Variants in KTN1 observed in about 807,000 individuals in gnomAD.
The protein encoded by KTN1 is kinectin 1, also known as kinectin.
Under a neutral mutation model 222.5 loss-of-function variants are expected in KTN1, and 130 were observed. The ratio of observed to expected loss-of-function variants is 0.58; its 90% CI spans 0.51 to 0.68. KTN1 has a LOEUF of 0.68. Ranked by LOEUF, KTN1 falls within the 30% of genes least tolerant of loss-of-function variation. KTN1 has a pLI of 0.00. For synonymous variants in KTN1, 512 were observed against 496.3 expected, an observed-to-expected ratio of 1.03 and a Z score of -0.42; for missense variants, 1,508 against 1,500.4, an observed-to-expected ratio of 1.01 and a Z score of -0.08.
At position 55,639,317 on chromosome 14, in the gene KTN1, G is replaced by A. The variant is rs200324270; in HGVS notation, c.1823+95G>A. On this transcript the variant is annotated intron_variant, in intron 13 of 43. Transcript: ENST00000395314. ...TTATGATTAACTTTATACCTCTGAC[G>A]ACCTGTTCAGAAAATACTCTGAACT... 7.8e-5 allele frequency: 52 copies of A among 668,086 alleles called. No individual in the cohort carries two copies. In the East Asian group the frequency reaches 1.4e-3, roughly 18 times the overall value. 41.4% of individuals were successfully genotyped at this position (668,086 alleles called of 1,614,324 possible).
At position 55,663,606 on chromosome 14, in the gene KTN1, T is replaced by G. The variant is rs539208540; in HGVS notation, c.3091-349T>G. The G allele has an allele frequency of 2.7e-5, 5 of 188,258 alleles. No homozygotes were observed. The East Asian group carries it at 7.4e-4, about 28-fold the overall frequency. The allele number at this position is 188,258 out of a possible 1,614,324, so 11.7% of individuals were successfully genotyped here. A position where few individuals can be genotyped will look rare whatever the true frequency, so the allele number is the denominator to read the frequency against. ...AAAGCTTTTTATAATACTTCTATAT[T>G]TGCTCTGTCTTTAATCTTCTAATGT... On this transcript the variant is annotated intron_variant, in intron 32 of 43. Transcript: ENST00000395314.
intron 2 of KTN1, among the ~76,000 whole-genome samples, chr14:55,613,744 C>T (rs957544789): frequency 4.6e-5 from 7 of 152,114 alleles, no homozygotes; most frequent in African/African-American, 1.7e-4. Flanking sequence ...GCTGAAATTA[C>T]AGGCGTGAGC....
chr14:55,641,206 A>G lies in KTN1; in HGVS notation c.2101A>G (p.Lys701Glu). Residue 701 changes from lysine (K) to glutamate (E), a missense_variant and splice_region_variant, in exon 17 of 44, where the codon AAG (lysine) becomes GAG (glutamate). By Grantham distance (56) the Lys-to-Glu change is moderately conservative. Coordinates refer to ENST00000395314, the MANE Select transcript of KTN1 (RefSeq NM_001079521.2). ...AATTTCAAACAAAATGGAAGAATTT[A>G]AGGTGTGTGATTAAGCTTGTACACT... ...HEISNKMEEF[K>E]ILNDQNKALK... 1 of 1,572,824 alleles carries G rather than the reference A, an allele frequency of 6.4e-7. No individual in the cohort carries two copies. The highest frequency in any genetic ancestry group is 8.7e-7 in the Non-Finnish European group (1 of 1,155,112).
At chr14:55,641,877 G>A (rs1416453261) in intron 18 of KTN1, 117 bp downstream of exon 18, 10 of 689,214 alleles carry the variant, frequency 1.5e-5, no homozygotes, top group South Asian at 1.1e-4. Flanking sequence ...AGATATGGCT[G>A]TTATTGCCTT....
intron 2 of KTN1, among the ~76,000 whole-genome samples, chr14:55,613,550 G>A (rs931102970): frequency 2.7e-5 from 4 of 147,856 alleles, no homozygotes; most frequent in Non-Finnish European, 5.9e-5. Context: ...CTGGAGTGCA[G>A]TGGTGCGATC....
chr14:55,657,008 T>G (rs1018365323), intron 29 of KTN1, among the ~76,000 whole-genome samples: 1 of 152,240 alleles, frequency 6.6e-6, no homozygotes, highest in Non-Finnish European at 1.5e-5. Flanking sequence ...TCAACTTACT[T>G]ACAGAAGATT....
At chr14:55,599,065 A>G (rs2035537746) in intron 1 of KTN1, among the ~76,000 whole-genome samples, 1 of 152,040 alleles carries the variant, frequency 6.6e-6, no homozygotes, top group African/African-American at 2.4e-5. Flanking sequence ...TTGTTTGATA[A>G]TTCAACTTTA....
At chr14:55,655,982 G>T in intron 28 of KTN1, 60 bp from the exon 29 acceptor site, 2 of 916,844 alleles carry the variant, frequency 2.2e-6, no homozygotes, top group Non-Finnish European at 3.4e-6. Context: ...GGTGATATTG[G>T]AGTCTGGTTT....
At chr14:55,653,741 A>G in intron 28 of KTN1, 145 bp downstream of exon 28, 1 of 577,604 alleles carries the variant, frequency 1.7e-6, no homozygotes, top group South Asian at 2.8e-5. Flanking sequence ...AAATAGGCTA[A>G]GTCTCTGTTG....
intron 32 of KTN1, 192 bp from the exon 33 acceptor site, chr14:55,663,763 G>C (rs1385779299): frequency 1.2e-5 from 6 of 518,044 alleles, no homozygotes; most frequent in Middle Eastern, 5.1e-4. Context: ...AACATGGAAA[G>C]TGGGCGTCTT....
intron 37 of KTN1, 186 bp downstream of exon 37, chr14:55,672,063 G>A: frequency 1.9e-6 from 1 of 535,524 alleles, no homozygotes; most frequent in South Asian, 2.9e-5. Flanking sequence ...ACCCAAGTTT[G>A]AAAATCACTG....
intron 32 of KTN1, among the ~76,000 whole-genome samples, chr14:55,662,359 G>A (rs566574196): frequency 2.7e-4 from 41 of 152,094 alleles, no homozygotes; most frequent in Admixed American, 6.5e-5. Context: ...TGTGAGCCAC[G>A]GCACCTGGCC....
chr14:55,621,648 C>A (rs1312853372), intron 5 of KTN1, among the ~76,000 whole-genome samples: 4 of 151,834 alleles, frequency 2.6e-5, no homozygotes, highest in Non-Finnish European at 2.9e-5. Context: ...CTTCATGATT[C>A]AATTATCTCC....
rs1200918117 is a variant in KTN1, at chr14:55,637,766, C to T, written c.1717-13C>T. 3 of 1,596,908 alleles carry T rather than the reference C, an allele frequency of 1.9e-6. No homozygotes were observed. Among genetic ancestry groups the T allele is most frequent in the Non-Finnish European group, 1.7e-6 (2 of 1,168,414 alleles). On this transcript the variant is annotated splice_polypyrimidine_tract_variant and intron_variant, in intron 11 of 43. Coordinates refer to ENST00000395314, the MANE Select transcript of KTN1 (RefSeq NM_001079521.2). ...AGCATGCTTTTTCTCTTTTTGGTTG[C>T]TATTTATGAAAGGATATTTTGGAGC...
At chr14:55,683,785 A>G (rs1211542221) in intron 43 of KTN1, 1 of 271,592 alleles carries the variant, frequency 3.7e-6, no homozygotes. Flanking sequence ...ACCCCTTTTC[A>G]GTGCTACTCA....
At chr14:55,626,465 A>G (rs2039842319) in intron 5 of KTN1, among the ~76,000 whole-genome samples, 1 of 152,072 alleles carries the variant, frequency 6.6e-6, no homozygotes, top group Non-Finnish European at 1.5e-5. Flanking sequence ...TTACTATATT[A>G]GATTTTTAAC....
intron 40 of KTN1, chr14:55,674,321 C>A (rs1025248113): frequency 2.0e-5 from 3 of 151,842 alleles, no homozygotes; most frequent in Admixed American, 2.0e-4. Flanking sequence ...TCTGAAAATC[C>A]GAAATCTGAA....
intron 1 of KTN1, among the ~76,000 whole-genome samples, chr14:55,585,933 A>G (rs552887548): frequency 4.6e-5 from 7 of 152,352 alleles, no homozygotes; most frequent in African/African-American, 1.7e-4. Context: ...TCTGAGTAAC[A>G]TCTACAATTA....
rs925508895 is a variant in KTN1, at chr14:55,647,267, G to A, written c.2207+260G>A. Among the ~76,000 whole-genome samples, 6 of 152,142 alleles carry A rather than the reference G, an allele frequency of 3.9e-5. No homozygotes were observed. In the South Asian group the frequency reaches 1.2e-3, roughly 31 times the overall value. On this transcript the variant is annotated intron_variant, in intron 19 of 43. Coordinates refer to ENST00000395314, the MANE Select transcript of KTN1 (RefSeq NM_001079521.2). ...CTCAGACCATGATCAAAGATCCCTA[G>A]AAGCCTTTCTAGAATTAAAAGTTTA...
Sources: allele counts gnomAD v4.1 joint callset (sites outside exome capture counted in the v4.1 genomes callset), GRCh38; gene constraint gnomAD v4.1.1; transcripts MANE v1.5; gene names NCBI Gene and HGNC (gene_info 2026-07-23, HGNC 2026-07-21).